GRIN2B: variants seen among roughly 807,000 people sequenced by gnomAD.
GRIN2B encodes the protein glutamate ionotropic receptor NMDA type subunit 2B.
In GRIN2B, 5 loss-of-function variants were observed where a neutral mutation model predicts 114.5. The observed-to-expected ratio is 0.04, with a 90% CI of 0.02 to 0.09. The LOEUF is 0.09. Among genes scored for constraint, GRIN2B ranks in the 10% least tolerant of loss-of-function variants. The pLI is 1.00. For missense variants in GRIN2B, 1,108 were observed against 1,943.5 expected, an observed-to-expected ratio of 0.57 and a Z score of 8.08; for synonymous variants, 787 against 745.1, an observed-to-expected ratio of 1.06 and a Z score of -0.92.
chr12:13,872,691 G>A (rs1177896346), intron 2 of GRIN2B, among the ~76,000 whole-genome samples: 1 of 152,098 alleles, frequency 6.6e-6, no homozygotes, highest in Non-Finnish European at 1.5e-5. Flanking sequence ...ATGTTAAATT[G>A]TGTTTAAAAC....
intron 5 of GRIN2B, among the ~76,000 whole-genome samples, chr12:13,638,530 C>A (rs1479271167): frequency 6.6e-6 from 1 of 152,062 alleles, no homozygotes; most frequent in Non-Finnish European, 1.5e-5. Flanking sequence ...TCATGCTTTC[C>A]AAAGACAGGC....
chr12:13,636,831 C>T (rs1949670013), intron 5 of GRIN2B, among the ~76,000 whole-genome samples: 2 of 152,132 alleles, frequency 1.3e-5, no homozygotes, highest in South Asian at 2.1e-4. Context: ...CAGCTTCATC[C>T]TCTGTTAAAT....
At chr12:13,832,588 CT>C (rs1158787342) in intron 3 of GRIN2B, among the ~76,000 whole-genome samples, 4 of 152,090 alleles carry the variant, frequency 2.6e-5, no homozygotes, top group African/African-American at 9.7e-5. Flanking sequence ...TTTAACCTGC[CT>C]TTTTCATGTA....
intron 10 of GRIN2B, among the ~76,000 whole-genome samples, chr12:13,579,786 G>A (rs541228052): frequency 1.3e-4 from 20 of 152,106 alleles, no homozygotes; most frequent in East Asian, 3.9e-4. Context: ...AGGAACAGAC[G>A]CATTGTCAGA....
In GRIN2B at chr12:13,979,942, G is replaced by A. The variant is rs202050009; in HGVS notation, c.-33C>T. On this transcript the variant is annotated 5_prime_UTR_variant, in exon 2 of 14. Transcript: ENST00000609686. ...ATTTGCCCTACCTTGGTTTGTAGAA[G>A]CCAAACCTCTAGACGGACAGATTAA... The A allele has an allele frequency of 2.0e-5, 3 of 152,156 alleles. 1 individual carries two copies. Among genetic ancestry groups the A allele is most frequent in the South Asian group, 4.1e-4 (2 of 4,820 alleles). 9.4% of individuals were successfully genotyped at this position (152,156 alleles called of 1,614,324 possible).
chr12:13,643,291 T>A (rs1045049636), intron 5 of GRIN2B, among the ~76,000 whole-genome samples: 10 of 152,134 alleles, frequency 6.6e-5, no homozygotes, highest in Non-Finnish European at 1.3e-4. Context: ...GATAAAAAAG[T>A]CACACAAATT....
At chr12:13,581,208 C>T (rs1196366802) in intron 10 of GRIN2B, among the ~76,000 whole-genome samples, 1 of 152,084 alleles carries the variant, frequency 6.6e-6, no homozygotes, top group African/African-American at 2.4e-5. Context: ...CCCCATGCTC[C>T]CAAAGTTTTT....
chr12:13,944,485 G>T (rs1228063072), intron 2 of GRIN2B, among the ~76,000 whole-genome samples: 1 of 152,210 alleles, frequency 6.6e-6, no homozygotes, highest in Non-Finnish European at 1.5e-5. Context: ...CTGTAGCCAG[G>T]TTCTTGCAAA....
intron 2 of GRIN2B, among the ~76,000 whole-genome samples, chr12:13,882,066 G>T (rs766675666): frequency 6.6e-6 from 1 of 152,106 alleles, no homozygotes; most frequent in African/African-American, 2.4e-5. Flanking sequence ...TCACCTCACC[G>T]CAGAGTCAAT....
At chr12:13,606,090 G>A (rs541510585) in intron 10 of GRIN2B, among the ~76,000 whole-genome samples, 2 of 152,270 alleles carry the variant, frequency 1.3e-5, no homozygotes, top group African/African-American at 2.4e-5. Flanking sequence ...GACATGGTCT[G>A]CCATACCTCT....
chr12:13,786,232 G>A (rs1565536712), intron 3 of GRIN2B, among the ~76,000 whole-genome samples: 1 of 152,128 alleles, frequency 6.6e-6, no homozygotes. Flanking sequence ...AGGGTCCCAA[G>A]GCTAGAGGGA....
intron 3 of GRIN2B, among the ~76,000 whole-genome samples, chr12:13,846,072 T>C (rs1304902269): frequency 1.4e-4 from 21 of 152,208 alleles, no homozygotes; most frequent in Admixed American, 1.4e-3. Context: ...CTTGAATAGA[T>C]TGTAAATCCC....
chr12:13,556,240 T>G lies in GRIN2B; in HGVS notation c.*6543A>C, dbSNP rs1948478014. ...TGAATCTCTGCAATGTTTTTTCAAA[T>G]AGCATAATGGATATCTTTGACTCCT... On this transcript the variant is annotated 3_prime_UTR_variant, in exon 14 of 14. Coordinates refer to ENST00000609686, the MANE Select transcript of GRIN2B (RefSeq NM_000834.5). 1 of 152,184 alleles carries G rather than the reference T, an allele frequency of 6.6e-6. No individual in the cohort carries two copies. Among genetic ancestry groups the G allele is most frequent in the Non-Finnish European group, 1.5e-5 (1 of 68,026 alleles). 9.4% of individuals were successfully genotyped at this position (152,184 alleles called of 1,614,324 possible). A position where few individuals can be genotyped will look rare whatever the true frequency, so the allele number is the denominator to read the frequency against.
rs187789886 is a variant in GRIN2B at position 13,591,582 on chromosome 12, T to A, written c.2010+17021A>T. ...TCTCTACTGCACAGTAGAGGTAGCA[T>A]CTACCTAAAAGTGGGAGATGGCAAA... On this transcript the variant is annotated intron_variant, in intron 10 of 13. Transcript: ENST00000609686. Among the ~76,000 whole-genome samples the A allele has an allele frequency of 2.0e-5, 3 of 152,266 alleles. No homozygotes were observed. The East Asian group carries it at 5.8e-4, about 29-fold the overall frequency.
At chr12:13,944,422 C>T (rs1867327003) in intron 2 of GRIN2B, among the ~76,000 whole-genome samples, 1 of 152,206 alleles carries the variant, frequency 6.6e-6, no homozygotes, top group Admixed American at 6.5e-5. Flanking sequence ...GCTGTGTGTA[C>T]GTCTACTTGA....
In GRIN2B at chr12:13,545,865, C is replaced by A. The variant is rs1196400539; in HGVS notation, c.*16918G>T. The A allele has an allele frequency of 6.6e-6, 1 of 152,280 alleles. No homozygotes were observed. Among genetic ancestry groups the A allele is most frequent in the Middle Eastern group, 3.4e-3 (1 of 294 alleles). The allele number at this position is 152,280 out of a possible 1,614,324, so 9.4% of individuals were successfully genotyped here. A position where few individuals can be genotyped will look rare whatever the true frequency, so the allele number is the denominator to read the frequency against. ...TTTGCTTAGAACATATGATCTACTA[C>A]CCGCCAGTAATATTTTATAGCTTAG... On this transcript the variant is annotated 3_prime_UTR_variant, in exon 14 of 14. Coordinates refer to ENST00000609686, the MANE Select transcript of GRIN2B (RefSeq NM_000834.5).
At chr12:13,596,692 T>A (rs1460583785) in intron 10 of GRIN2B, among the ~76,000 whole-genome samples, 1 of 152,228 alleles carries the variant, frequency 6.6e-6, no homozygotes, top group African/African-American at 2.4e-5. Flanking sequence ...TCCAGTCAAC[T>A]CTCATTATAT....
chr12:13,776,096 A>G (rs1291229318), intron 3 of GRIN2B, among the ~76,000 whole-genome samples: 2 of 152,242 alleles, frequency 1.3e-5, no homozygotes, highest in Non-Finnish European at 2.9e-5. Context: ...CTATGCAGCC[A>G]TGAAAAGGAA....
At chr12:13,826,666 A>G (rs549086421) in intron 3 of GRIN2B, among the ~76,000 whole-genome samples, 2 of 152,076 alleles carry the variant, frequency 1.3e-5, no homozygotes, top group East Asian at 3.9e-4. Context: ...GATTTACTGA[A>G]CTTATCATAT....
Sources: allele counts gnomAD v4.1 joint callset (sites outside exome capture counted in the v4.1 genomes callset), GRCh38; gene constraint gnomAD v4.1.1; transcripts MANE v1.5; gene names NCBI Gene and HGNC (gene_info 2026-07-23, HGNC 2026-07-21).